Variants in MTUS2 observed in about 807,000 individuals in gnomAD.
MTUS2 encodes microtubule associated scaffold protein 2.
MTUS2 carries 40 observed loss-of-function variants against 114.1 expected under a neutral mutation model. That is an observed-to-expected ratio of 0.35 (90% CI 0.27 to 0.46). The LOEUF (loss-of-function observed/expected upper bound fraction) is 0.46, where lower values mean the gene tolerates loss of function less well. Among genes scored for constraint, MTUS2 ranks in the 20% least tolerant of loss-of-function variants. The pLI is 1.00. For synonymous variants in MTUS2, 688 were observed against 672.0 expected (o/e 1.02, Z -0.37); for missense variants, 1,679 against 1,705.4 (o/e 0.98, Z 0.27).
chr13:29,138,512 T>C (rs1380675594), intron 5 of MTUS2, among the ~76,000 whole-genome samples: 3 of 148,920 alleles, frequency 2.0e-5, no homozygotes, highest in African/African-American at 7.3e-5. Context: ...ATTTGAGTTA[T>C]ATAAATATAA....
At position 29,281,736 on chromosome 13, in the gene MTUS2, C is replaced by G. The variant is rs1377040174; in HGVS notation, c.2677C>G (p.Leu893Val). ...STFGNEEQPV[L>V]KASLPSKDTP... ...CTTTGGGAATGAAGAACAGCCAGTT[C>G]TGAAGGCATCTCTGCCTTCTAAGGA... Residue 893 changes from leucine to valine, a missense_variant, in exon 6 of 16, where the codon CTG becomes GTG. Leu to Val is a conservative substitution (Grantham distance 32, BLOSUM62 1). Coordinates refer to ENST00000612955, the MANE Select transcript of MTUS2 (RefSeq NM_001033602.4). 11 of 1,611,040 alleles carry G rather than the reference C, an allele frequency of 6.8e-6. No homozygotes were observed. Among genetic ancestry groups the G allele is most frequent in the Non-Finnish European group, 9.3e-6 (11 of 1,177,512 alleles).
At chr13:29,252,281 A>G (rs1428379753) in intron 5 of MTUS2, among the ~76,000 whole-genome samples, 1 of 152,206 alleles carries the variant, frequency 6.6e-6, no homozygotes, top group Non-Finnish European at 1.5e-5. Flanking sequence ...TAGTTAGACC[A>G]TGAAATACTC....
intron 5 of MTUS2, among the ~76,000 whole-genome samples, chr13:29,229,950 A>C (rs1475282070): frequency 6.6e-6 from 1 of 152,214 alleles, no homozygotes; most frequent in Non-Finnish European, 1.5e-5. Flanking sequence ...GACTTTTAAA[A>C]ATTACCAAGT....
intron 2 of MTUS2, among the ~76,000 whole-genome samples, chr13:28,873,691 G>A (rs2138109895): frequency 6.6e-6 from 1 of 152,302 alleles, no homozygotes; most frequent in Middle Eastern, 3.4e-3. Flanking sequence ...TTGAATTTTG[G>A]TGACAGTGAT....
chr13:28,863,389 G>T (rs1877108359), intron 2 of MTUS2, among the ~76,000 whole-genome samples: 1 of 152,166 alleles, frequency 6.6e-6, no homozygotes, highest in African/African-American at 2.4e-5. Flanking sequence ...CCCACCATGA[G>T]CCTTTATATA....
At chr13:28,969,410 G>C (rs757477231) in intron 2 of MTUS2, among the ~76,000 whole-genome samples, 1 of 152,074 alleles carries the variant, frequency 6.6e-6, no homozygotes, top group Non-Finnish European at 1.5e-5. Context: ...TGTTGGAAAC[G>C]TTCAGTATCT....
chr13:28,986,996 A>C (rs2138319107), intron 2 of MTUS2, among the ~76,000 whole-genome samples: 1 of 152,272 alleles, frequency 6.6e-6, no homozygotes, highest in African/African-American at 2.4e-5. Flanking sequence ...GTACATTGTT[A>C]TATACTCCCA....
chr13:29,193,880 T>C (rs1894553491), intron 5 of MTUS2, among the ~76,000 whole-genome samples: 1 of 152,208 alleles, frequency 6.6e-6, no homozygotes, highest in African/African-American at 2.4e-5. Flanking sequence ...AGCATGGTAC[T>C]GGTACAAAAA....
intron 8 of MTUS2, among the ~76,000 whole-genome samples, chr13:29,384,123 A>G (rs1393505252): frequency 6.6e-6 from 1 of 152,252 alleles, no homozygotes. Context: ...TATTTATAAA[A>G]TACTCTATTT....
Position 29,498,304 on chromosome 13 carries a change from T to C in MTUS2, c.3679-114T>C, listed in dbSNP as rs1882679498. 2.8e-6 allele frequency: 4 copies of C among 1,442,690 alleles called. No homozygotes were observed. The South Asian group carries it at 5.3e-5, about 19-fold the overall frequency. The allele number at this position is 1,442,690 out of a possible 1,614,324, so 89.4% of individuals were successfully genotyped here. A position where few individuals can be genotyped will look rare whatever the true frequency, so the allele number is the denominator to read the frequency against. On this transcript the variant is annotated intron_variant, in intron 13 of 15. Coordinates refer to ENST00000612955, the MANE Select transcript of MTUS2 (RefSeq NM_001033602.4). ...CATCCTCTCTCTTTGGTGTTGCAGT[T>C]GCCATCAGGGCGCTTGTCCCAGGAG...
At chr13:29,019,823 G>A (rs918155929) in intron 2 of MTUS2, among the ~76,000 whole-genome samples, 1 of 152,246 alleles carries the variant, frequency 6.6e-6, no homozygotes, top group Non-Finnish European at 1.5e-5. Flanking sequence ...AGGGACTTCA[G>A]GTTCCCTGGT....
At chr13:29,140,927 C>G (rs1484947656) in intron 5 of MTUS2, among the ~76,000 whole-genome samples, 1 of 152,140 alleles carries the variant, frequency 6.6e-6, no homozygotes, top group East Asian at 1.9e-4. Context: ...TACCTGCTGA[C>G]AAAAATCGGT....
At chr13:29,125,701 C>T (rs758344112) in intron 5 of MTUS2, among the ~76,000 whole-genome samples, 3 of 152,156 alleles carry the variant, frequency 2.0e-5, no homozygotes, top group Non-Finnish European at 2.9e-5. Flanking sequence ...TTATAAAAAT[C>T]ACTCAGTAAA....
intron 2 of MTUS2, among the ~76,000 whole-genome samples, chr13:28,991,932 T>C (rs1884877311): frequency 6.6e-6 from 1 of 152,200 alleles, no homozygotes; most frequent in African/African-American, 2.4e-5. Context: ...TGGGAACTTG[T>C]GCAATCCTGG....
chr13:29,059,428 G>A (rs1374395053), intron 4 of MTUS2, among the ~76,000 whole-genome samples: 2 of 152,050 alleles, frequency 1.3e-5, no homozygotes, highest in Admixed American at 1.3e-4. Flanking sequence ...TGGCAGACAG[G>A]CCATATCCTT....
intron 4 of MTUS2, among the ~76,000 whole-genome samples, chr13:29,097,871 G>A (rs1230114480): frequency 6.6e-6 from 1 of 152,150 alleles, no homozygotes; most frequent in Non-Finnish European, 1.5e-5. Context: ...TTGGGGTTGG[G>A]GGAGACAGAC....
chr13:29,372,546 A>C (rs2138309774), intron 8 of MTUS2, among the ~76,000 whole-genome samples: 1 of 152,280 alleles, frequency 6.6e-6, no homozygotes, highest in South Asian at 2.1e-4. Context: ...ACCCATCCAC[A>C]GAAGAACATC....
intron 5 of MTUS2, among the ~76,000 whole-genome samples, chr13:29,194,431 G>A (rs1315450758): frequency 5.0e-4 from 75 of 151,154 alleles, no homozygotes; most frequent in East Asian, 2.3e-3. Context: ...AAAAGTGGGC[G>A]AAGGACATGA....
intron 9 of MTUS2, among the ~76,000 whole-genome samples, chr13:29,471,963 G>C (rs929731461): frequency 1.1e-4 from 17 of 152,108 alleles, no homozygotes; most frequent in African/African-American, 4.1e-4. Context: ...ATGCTGCAGG[G>C]ACCTGCAGAG....
Sources: allele counts gnomAD v4.1 joint callset (sites outside exome capture counted in the v4.1 genomes callset), GRCh38; gene constraint gnomAD v4.1.1; transcripts MANE v1.5; gene names NCBI Gene and HGNC (gene_info 2026-07-23, HGNC 2026-07-21).